Variants in HUNK observed in about 807,000 individuals in gnomAD.
HUNK encodes hormonally up-regulated Neu-associated kinase, also known as hormonally up-regulated neu tumor-associated kinase.
A neutral mutation model predicts 61.0 loss-of-function variants in HUNK; 21 were observed. That is an observed-to-expected ratio of 0.34 (90% CI 0.24 to 0.50). The LOEUF (loss-of-function observed/expected upper bound fraction) is 0.50, where lower values mean the gene tolerates loss of function less well. HUNK is among the 20% of genes least tolerant of loss of function. The pLI, the probability that HUNK is intolerant of heterozygous loss-of-function variation, is 0.98. For missense variants in HUNK, 772 were observed against 945.7 expected, an observed-to-expected ratio of 0.82 and a Z score of 2.41; for synonymous variants, 371 against 386.1, an observed-to-expected ratio of 0.96 and a Z score of 0.46.
chr21:31,963,169 A>G (rs1236426368), intron 5 of HUNK, among the ~76,000 whole-genome samples: 1 of 152,190 alleles, frequency 6.6e-6, no homozygotes, highest in East Asian at 1.9e-4. Context: ...CCACTTATTG[A>G]ATAATCCTTT....
chr21:31,950,916 A>T (rs1380093394), intron 4 of HUNK, among the ~76,000 whole-genome samples: 1 of 152,130 alleles, frequency 6.6e-6, no homozygotes, highest in Non-Finnish European at 1.5e-5. Flanking sequence ...GATGGCAGAG[A>T]CTTTATCCAC....
intron 1 of HUNK, among the ~76,000 whole-genome samples, chr21:31,918,778 T>C (rs61531769): frequency 0.14 from 21,612 of 152,252 alleles, 2,121 homozygotes; most frequent in African/African-American, 0.28. Context: ...CTGAAGACCA[T>C]TAACTTCATC....
intron 1 of HUNK, among the ~76,000 whole-genome samples, chr21:31,888,577 A>C (rs965514933): frequency 2.0e-5 from 3 of 152,166 alleles, no homozygotes; most frequent in Non-Finnish European, 2.9e-5. Flanking sequence ...TTTCTACTGA[A>C]AATACAAAAT....
intron 1 of HUNK, among the ~76,000 whole-genome samples, chr21:31,899,687 C>T (rs550124157): frequency 3.3e-5 from 5 of 152,160 alleles, no homozygotes; most frequent in Non-Finnish European, 7.4e-5. Flanking sequence ...TTCTTCATTC[C>T]CTGCTACTCC....
At chr21:31,926,951 ATTCT>A (rs767865738) in intron 2 of HUNK, among the ~76,000 whole-genome samples, 17 of 151,854 alleles carry the variant, frequency 1.1e-4, no homozygotes, top group East Asian at 3.9e-4. Flanking sequence ...GAAGGCCATT[ATTCT>A]TTCTTTCTTT....
At position 32,000,307 on chromosome 21, in the gene HUNK, C is replaced by G. The variant is rs1042690873; in HGVS notation, c.*1123C>G. 5.0e-6 allele frequency: 2 copies of G among 399,066 alleles called. No individual in the cohort carries two copies. The highest frequency in any genetic ancestry group is 4.1e-5 in the African/African-American group (2 of 48,740). The allele number at this position is 399,066 out of a possible 1,614,324, so 24.7% of individuals were successfully genotyped here. A position where few individuals can be genotyped will look rare whatever the true frequency, so the allele number is the denominator to read the frequency against. On this transcript the variant is annotated 3_prime_UTR_variant, in exon 11 of 11. Coordinates refer to ENST00000270112, the MANE Select transcript of HUNK (RefSeq NM_014586.2). ...AGGCTTGCCTGGCAGAGAACCTGTT[C>G]AGATACAGGCCAGTTTCTTCTTCGA...
Position 32,002,695 on chromosome 21 carries a change from A to G in HUNK, c.*3511A>G, listed in dbSNP as rs1226910415. On this transcript the variant is annotated 3_prime_UTR_variant, in exon 11 of 11. Coordinates refer to ENST00000270112, the MANE Select transcript of HUNK (RefSeq NM_014586.2). ...AGGGGAAGAGGGATGATGGGATGGA[A>G]TGGGAGGGTGGGATCTAGATGACCT... 1 of 152,152 alleles carries G rather than the reference A, an allele frequency of 6.6e-6. No individual in the cohort carries two copies. The highest frequency in any genetic ancestry group is 2.4e-5 in the African/African-American group (1 of 41,436). 9.4% of individuals were successfully genotyped at this position (152,152 alleles called of 1,614,324 possible). A position where few individuals can be genotyped will look rare whatever the true frequency, so the allele number is the denominator to read the frequency against.
chr21:32,000,273 G>T lies in HUNK; in HGVS notation c.*1089G>T. On this transcript the variant is annotated 3_prime_UTR_variant, in exon 11 of 11. Coordinates refer to ENST00000270112, the MANE Select transcript of HUNK (RefSeq NM_014586.2). The stretch of plus-strand genomic sequence containing the variant: ...TCAGAGCTCGGCGAGTTTGCTGGGA[G>T]CTGGGAGCAGGCTTGCCTGGCAGAG... The T allele has an allele frequency of 2.5e-6, 1 of 399,154 alleles. No homozygotes were observed. The highest frequency in any genetic ancestry group is 3.6e-5 in the East Asian group (1 of 28,084). 24.7% of individuals were successfully genotyped at this position (399,154 alleles called of 1,614,324 possible).
chr21:31,933,036 C>G (rs1052319466), intron 2 of HUNK, among the ~76,000 whole-genome samples: 7 of 151,776 alleles, frequency 4.6e-5, no homozygotes, highest in African/African-American at 7.3e-5. Context: ...CTCAGTCTCT[C>G]CAGCCTGTAG....
Position 31,962,508 on chromosome 21 carries a change from A to G in HUNK, c.874+3538A>G, listed in dbSNP as rs142660169. The stretch of plus-strand genomic sequence containing the variant: ...CCAAAGTTAGTCCCAAAGGAGACAT[A>G]TTAAAAATGTTCCCAGCAATTTCAG... On this transcript the variant is annotated intron_variant, in intron 5 of 10. Coordinates refer to ENST00000270112, the MANE Select transcript of HUNK (RefSeq NM_014586.2). Among the ~76,000 whole-genome samples, 8 of 152,370 alleles carry G rather than the reference A, an allele frequency of 5.3e-5. No homozygotes were observed. In the East Asian group the frequency reaches 1.5e-3, roughly 29 times the overall value.
chr21:31,996,060 C>A, intron 10 of HUNK, 112 bp downstream of exon 10: 1 of 827,354 alleles, frequency 1.2e-6, no homozygotes, highest in Non-Finnish European at 1.9e-6. Flanking sequence ...GATTCCTGTG[C>A]CCACAGAAAA....
chr21:31,900,763 G>A (rs538306184), intron 1 of HUNK, among the ~76,000 whole-genome samples: 4 of 152,328 alleles, frequency 2.6e-5, no homozygotes, highest in Non-Finnish European at 5.9e-5. Context: ...ACTGGACACG[G>A]AGTGGTTGGG....
chr21:31,960,620 T>C (rs554866195), intron 5 of HUNK, among the ~76,000 whole-genome samples: 73 of 152,168 alleles, frequency 4.8e-4, no homozygotes, highest in African/African-American at 1.6e-3. Flanking sequence ...CATGGTGGAA[T>C]ATGAAGGAAG....
chr21:31,999,284 A>G lies in HUNK; in HGVS notation c.*100A>G, dbSNP rs955981634. The G allele has an allele frequency of 4.6e-6, 5 of 1,077,580 alleles. No individual in the cohort carries two copies. Among genetic ancestry groups the G allele is most frequent in the South Asian group, 3.1e-5 (2 of 63,594 alleles). 66.8% of individuals were successfully genotyped at this position (1,077,580 alleles called of 1,614,324 possible). A position where few individuals can be genotyped will look rare whatever the true frequency, so the allele number is the denominator to read the frequency against. On this transcript the variant is annotated 3_prime_UTR_variant, in exon 11 of 11. Transcript: ENST00000270112. ...AGCACTCCAAGGCCTCGCGTGGAGC[A>G]TCCTTAGTCCCACCTGTAGCTGAAT...
At chr21:31,882,515 G>A (rs775687916) in intron 1 of HUNK, among the ~76,000 whole-genome samples, 51 of 152,094 alleles carry the variant, frequency 3.4e-4, no homozygotes, top group Non-Finnish European at 6.2e-4. Flanking sequence ...TTGTAAATGC[G>A]TAGTTAGGGG....
intron 5 of HUNK, among the ~76,000 whole-genome samples, chr21:31,966,577 G>A (rs2052967886): frequency 6.6e-6 from 1 of 152,172 alleles, no homozygotes; most frequent in African/African-American, 2.4e-5. Context: ...TTTCTCTTGA[G>A]TTGATTCTGG....
chr21:31,878,757 T>A (rs1458601429), intron 1 of HUNK, among the ~76,000 whole-genome samples: 1 of 152,148 alleles, frequency 6.6e-6, no homozygotes, highest in East Asian at 1.9e-4. Flanking sequence ...AAAATATAGT[T>A]GGAAAAGCTG....
chr21:31,976,622 A>G (rs932121406), intron 7 of HUNK, among the ~76,000 whole-genome samples: 5 of 151,052 alleles, frequency 3.3e-5, no homozygotes, highest in Non-Finnish European at 5.9e-5. Context: ...ACGTGCCACC[A>G]CGCTTGTCTA....
chr21:31,962,801 G>T (rs1286675723), intron 5 of HUNK, among the ~76,000 whole-genome samples: 1 of 152,246 alleles, frequency 6.6e-6, no homozygotes, highest in African/African-American at 2.4e-5. Flanking sequence ...TGAGCCAGGT[G>T]TCAAGTGAGG....
Sources: allele counts gnomAD v4.1 joint callset (sites outside exome capture counted in the v4.1 genomes callset), GRCh38; gene constraint gnomAD v4.1.1; transcripts MANE v1.5; gene names NCBI Gene and HGNC (gene_info 2026-07-23, HGNC 2026-07-21).